The following ITPRIP variants were observed in gnomAD, a reference collection of about 807,000 sequenced individuals.
ITPRIP encodes inositol 1,4,5-trisphosphate receptor interacting protein.
A neutral mutation model predicts 35.8 loss-of-function variants in ITPRIP; 32 were observed. That is an observed-to-expected ratio of 0.89 (90% confidence interval 0.68 to 1.20). The LOEUF is 1.20. Ranked by LOEUF, ITPRIP falls within the 50% of genes most tolerant of loss-of-function variation. The pLI is 0.00. For synonymous variants in ITPRIP, 358 were observed against 324.0 expected (o/e 1.11, Z -1.13); for missense variants, 653 against 735.6 (o/e 0.89, Z 1.30).
rs1051791665 is a variant in ITPRIP, at chr10:104,314,127, C to A, written c.*281G>T. On this transcript the variant is annotated 3_prime_UTR_variant, in exon 2 of 2. Coordinates refer to ENST00000337478, the MANE Select transcript of ITPRIP (RefSeq NM_001272013.2). ...CAGGGTCCACAGCGTGTTCTGCCAC[C>A]ATCTTGGCCATTCATGGTGATCCAG... 2.5e-6 allele frequency: 3 copies of A among 1,219,918 alleles called. No homozygotes were observed. Among genetic ancestry groups the A allele is most frequent in the South Asian group, 2.7e-5 (1 of 37,640 alleles). 75.6% of individuals were successfully genotyped at this position (1,219,918 alleles called of 1,614,324 possible).
rs1474710643 is a variant in ITPRIP, at chr10:104,313,562, A to G, written c.*846T>C. The G allele has an allele frequency of 1.0e-6, 1 of 985,416 alleles. No homozygotes were observed. Among genetic ancestry groups the G allele is most frequent in the Admixed American group, 6.1e-5 (1 of 16,274 alleles). The allele number at this position is 985,416 out of a possible 1,614,324, so 61.0% of individuals were successfully genotyped here. On this transcript the variant is annotated 3_prime_UTR_variant, in exon 2 of 2. Transcript: ENST00000337478. ...TAGCATCTGTCCTCCCCCTACCACA[A>G]TGATAGTCAGAAAGACCAGCTTTGG...
intron 1 of ITPRIP, among the ~76,000 whole-genome samples, chr10:104,335,027 C>T (rs959489305): frequency 5.3e-5 from 8 of 152,152 alleles, no homozygotes; most frequent in Non-Finnish European, 1.0e-4. Flanking sequence ...GGTTTCTGAG[C>T]GGGCACAGCT....
chr10:104,326,256 G>C lies in ITPRIP; in HGVS notation c.-13-10192C>G, dbSNP rs562536985. On this transcript the variant is annotated intron_variant, in intron 1 of 1. Transcript: ENST00000337478. This position sits in a 1 kb window ranked among gnomAD's most constrained non-coding sequence, Gnocchi z 4.8. ...GAGGCACAGGAAGGACAGAGGGCTG[G>C]ACTCTGCTGGCTCTGGGTGGGTGAG... 6.6e-6 allele frequency: 1 copy of C among 152,374 alleles called. No individual in the cohort carries two copies. The highest frequency in any genetic ancestry group is 2.4e-5 in the African/African-American group (1 of 41,578). 9.4% of individuals were successfully genotyped at this position (152,374 alleles called of 1,614,324 possible).
At position 104,314,573 on chromosome 10, in the gene ITPRIP, G is replaced by C; in HGVS notation, c.1479C>G (p.Ala493=). ...GGTTGAGGGGCTCGGCCCTGAGCAC[G>C]GCCTCAGGGAGTCCCATGGCCTCAG... ...KVPEAMGLPE[A]VLRAEPLNLF... Residue 493 remains alanine (A), a synonymous_variant, in exon 2 of 2, where the codon GCC becomes GCG. Coordinates refer to ENST00000337478, the MANE Select transcript of ITPRIP (RefSeq NM_001272013.2). 6.2e-7 allele frequency: 1 copy of C among 1,614,178 alleles called. No individual in the cohort carries two copies. Among genetic ancestry groups the C allele is most frequent in the Non-Finnish European group, 8.5e-7 (1 of 1,180,032 alleles).
At position 104,313,439 on chromosome 10, in the gene ITPRIP, CT is replaced by C; in HGVS notation, c.*968del. On this transcript the variant is annotated 3_prime_UTR_variant, in exon 2 of 2. Coordinates refer to ENST00000337478, the MANE Select transcript of ITPRIP (RefSeq NM_001272013.2). ...CTGGGAGTGCCATGGCCTCAGGTGC[CT>C]TGTGGTTGCCAATGAAGAAGTGATA... is the stretch of plus-strand genomic sequence containing the variant. The C allele has an allele frequency of 1.0e-6, 1 of 985,872 alleles. No individual in the cohort carries two copies. Among genetic ancestry groups the C allele is most frequent in the Non-Finnish European group, 1.2e-6 (1 of 830,096 alleles). The allele number at this position is 985,872 out of a possible 1,614,324, so 61.1% of individuals were successfully genotyped here.
At position 104,312,878 on chromosome 10, in the gene ITPRIP, T is replaced by C; in HGVS notation, c.*1530A>G. ...GCTTAAACCCTGGAGGAACACGGTA[T>C]ATTCTTGACTCCCTGGCCCCCTGCA... On this transcript the variant is annotated 3_prime_UTR_variant, in exon 2 of 2. Transcript: ENST00000337478. 1 of 985,370 alleles carries C rather than the reference T, an allele frequency of 1.0e-6. No homozygotes were observed. Among genetic ancestry groups the C allele is most frequent in the Non-Finnish European group, 1.2e-6 (1 of 829,924 alleles). The allele number at this position is 985,370 out of a possible 1,614,324, so 61.0% of individuals were successfully genotyped here. A position where few individuals can be genotyped will look rare whatever the true frequency, so the allele number is the denominator to read the frequency against.
At chr10:104,334,395 C>G (rs998041870) in intron 1 of ITPRIP, among the ~76,000 whole-genome samples, 1 of 152,220 alleles carries the variant, frequency 6.6e-6, no homozygotes, top group African/African-American at 2.4e-5. Context: ...TTCTATTGAT[C>G]CATCCAGGTT....
Position 104,314,481 on chromosome 10 carries a change from A to G in ITPRIP, c.1571T>C (p.Leu524Pro), listed in dbSNP as rs746078089. 1 of 1,614,162 alleles carries G rather than the reference A, an allele frequency of 6.2e-7. No individual in the cohort carries two copies. The highest frequency in any genetic ancestry group is 8.5e-7 in the Non-Finnish European group (1 of 1,180,028). ...GCTAATGAGCGCTGGGGCATTCTTG[A>G]GCATCTCATAGAAGGAGTCCAGTGT... ...RKTLDSFYEM[L>P]KNAPALISEY... The change falls in exon 2 of 2, where the codon CTC becomes CCC. Residue 524 changes from leucine (L) to proline (P), a missense_variant. Physicochemically the swap from Leu to Pro is moderately conservative, Grantham distance 98 (BLOSUM62 -3). Coordinates refer to ENST00000337478, the MANE Select transcript of ITPRIP (RefSeq NM_001272013.2).
chr10:104,319,242 G>A (rs1038416511), intron 1 of ITPRIP, among the ~76,000 whole-genome samples: 2 of 152,230 alleles, frequency 1.3e-5, no homozygotes, highest in African/African-American at 2.4e-5. Flanking sequence ...ATGTTGGGAC[G>A]GGTGAGTGAG....
chr10:104,337,859 GGTAGC>G (rs1054436685), intron 1 of ITPRIP, among the ~76,000 whole-genome samples: 1 of 152,188 alleles, frequency 6.6e-6, no homozygotes, highest in African/African-American at 2.4e-5. Context: ...TTCTTTCTTC[GGTAGC>G]GCTCTGCTCA....
rs113927214 is a variant in ITPRIP, at chr10:104,332,410, T to C, written c.-14+5836A>G. Among the ~76,000 whole-genome samples the C allele has an allele frequency of 7.3e-4, 111 of 152,326 alleles. 1 individual carries two copies. The highest frequency in any genetic ancestry group is 2.6e-3 in the African/African-American group (107 of 41,572). Reference sequence around the variant, plus strand: ...GAAAAGCACCTGAAGTTATGCCTAGTTGCACAAAACAAAAACTTTAATCAG... The same window carrying C: ...GAAAAGCACCTGAAGTTATGCCTAGCTGCACAAAACAAAAACTTTAATCAG... On this transcript the variant is annotated intron_variant, in intron 1 of 1. Transcript: ENST00000337478.
chr10:104,317,298 C>T (rs1443981999), intron 1 of ITPRIP, among the ~76,000 whole-genome samples: 3 of 152,266 alleles, frequency 2.0e-5, no homozygotes, highest in South Asian at 4.1e-4. Context: ...ATTTTTAAGC[C>T]TCAAGTGACT....
At position 104,328,338 on chromosome 10, in the gene ITPRIP, G is replaced by A. The variant is rs908774352; in HGVS notation, c.-14+9908C>T. On this transcript the variant is annotated intron_variant, in intron 1 of 1. Coordinates refer to ENST00000337478, the MANE Select transcript of ITPRIP (RefSeq NM_001272013.2). This position sits in a 1 kb window ranked among gnomAD's most constrained non-coding sequence, Gnocchi z 4.1. ...ACCCACAAGGGTGCTGGTTTGGAGAGAGCATGAATACCCACCTTGGGGCAG... is the reference window on the plus strand; with the variant it reads ...ACCCACAAGGGTGCTGGTTTGGAGAAAGCATGAATACCCACCTTGGGGCAG... The A allele has an allele frequency of 1.0e-6, 1 of 968,322 alleles. No homozygotes were observed. The highest frequency in any genetic ancestry group is 1.2e-6 in the Non-Finnish European group (1 of 814,438). The allele number at this position is 968,322 out of a possible 1,614,324, so 60.0% of individuals were successfully genotyped here.
chr10:104,315,924 G>A lies in ITPRIP; in HGVS notation c.128C>T (p.Ala43Val), dbSNP rs754909911. ...CTCCAGCTGCAGCTTCTCCTGGTGCGCCTGCATCTTGCGGATGATCTCCTC... is the reference window on the plus strand; with the variant it reads ...CTCCAGCTGCAGCTTCTCCTGGTGCACCTGCATCTTGCGGATGATCTCCTC... ...NEEEIIRKMQ[A>V]HQEKLQLEQL... The change falls in exon 2 of 2, where the codon GCG becomes GTG. Residue 43 changes from alanine (A) to valine (V), a missense_variant. Coordinates refer to ENST00000337478, the MANE Select transcript of ITPRIP (RefSeq NM_001272013.2). This position sits in a 1 kb window ranked among gnomAD's most constrained non-coding sequence, Gnocchi z 5.7. 10 of 1,613,822 alleles carry A rather than the reference G, an allele frequency of 6.2e-6. No homozygotes were observed. Among genetic ancestry groups the A allele is most frequent in the Admixed American group, 3.3e-5 (2 of 60,002 alleles).
chr10:104,315,767 G>T lies in ITPRIP; in HGVS notation c.285C>A (p.Ile95=). ...GCCACACCTCGATCATCAGGAAGAG[G>T]ATCATGCAGAGGGTGCTCCAGAGGT... ...AWDLWSTLCM[I]LFLMIEVWRQ... Residue 95 remains isoleucine, a synonymous_variant, in exon 2 of 2, where the codon ATC becomes ATA. Transcript: ENST00000337478. The surrounding 1 kb of genome is among the most constrained non-coding windows in gnomAD (Gnocchi z 5.7). The T allele has an allele frequency of 1.2e-6, 2 of 1,613,976 alleles. No homozygotes were observed. Among genetic ancestry groups the T allele is most frequent in the Non-Finnish European group, 1.7e-6 (2 of 1,180,022 alleles).
At chr10:104,331,396 AG>A (rs1215380740) in intron 1 of ITPRIP, among the ~76,000 whole-genome samples, 1 of 152,238 alleles carries the variant, frequency 6.6e-6, no homozygotes, top group Non-Finnish European at 1.5e-5. Flanking sequence ...GGCTCCCATG[AG>A]AACAGTATGT....
rs867095314 is a variant in ITPRIP at position 104,315,480 on chromosome 10, A to G, written c.572T>C (p.Ile191Thr). The G allele has an allele frequency of 6.2e-6, 10 of 1,613,984 alleles. No homozygotes were observed. The South Asian group carries it at 6.6e-5, about 11-fold the overall frequency. ...RDTDMEVEDFIGVDSMYENWQ... is the reference protein window; with the variant it reads ...RDTDMEVEDFTGVDSMYENWQ... Reference sequence around the variant, plus strand: ...GTTCTCGTACATGCTGTCCACGCCAATGAAGTCCTCCACCTCCATGTCGGT... The same window carrying G: ...GTTCTCGTACATGCTGTCCACGCCAGTGAAGTCCTCCACCTCCATGTCGGT... Residue 191 changes from isoleucine to threonine, a missense_variant, in exon 2 of 2, where the codon ATT (isoleucine) becomes ACT (threonine). Ile to Thr is a moderately conservative substitution (Grantham distance 89, BLOSUM62 -1). Coordinates refer to ENST00000337478, the MANE Select transcript of ITPRIP (RefSeq NM_001272013.2). This position sits in a 1 kb window ranked among gnomAD's most constrained non-coding sequence, Gnocchi z 5.7.
At chr10:104,332,246 A>G (rs1444751588) in intron 1 of ITPRIP, among the ~76,000 whole-genome samples, 2 of 152,162 alleles carry the variant, frequency 1.3e-5, no homozygotes, top group African/African-American at 2.4e-5. Context: ...AGGCCATTCT[A>G]CTTATATGAA....
intron 1 of ITPRIP, among the ~76,000 whole-genome samples, chr10:104,330,319 A>G (rs1564866881): frequency 2.0e-5 from 3 of 152,218 alleles, no homozygotes; most frequent in Non-Finnish European, 1.5e-5. Flanking sequence ...TGGGAGGGGC[A>G]CTGCAGTCAG....
Sources: gnomAD v4.1 joint callset for allele counts (sites outside exome capture counted in the v4.1 genomes callset) on GRCh38, gnomAD v4.1.1 for gene constraint, Gnocchi (gnomAD v3.1) non-coding constraint, MANE v1.5 for transcripts, NCBI Gene and HGNC (gene_info 2026-07-23, HGNC 2026-07-21) for gene names.